Variants in NCOA3 observed in about 807,000 individuals in gnomAD.
NCOA3 encodes nuclear receptor coactivator 3, also known as CBP-interacting protein.
In NCOA3, 51 loss-of-function variants were observed where a neutral mutation model predicts 158.8. The ratio of observed to expected loss-of-function variants is 0.32; its 90% CI spans 0.26 to 0.41. The LOEUF is 0.41. Among genes scored for constraint, NCOA3 ranks in the 10% least tolerant of loss-of-function variants. The probability of loss-of-function intolerance (pLI) is 1.00; values close to 1 mark genes in which losing one functional copy is unlikely to be tolerated. For synonymous variants in NCOA3, 537 were observed against 592.4 expected, an observed-to-expected ratio of 0.91 and a Z score of 1.36; for missense variants, 1,510 against 1,746.6, an observed-to-expected ratio of 0.86 and a Z score of 2.41.
intron 1 of NCOA3, among the ~76,000 whole-genome samples, chr20:47,573,403 A>G (rs2085324691): frequency 6.8e-6 from 1 of 146,296 alleles, no homozygotes; most frequent in African/African-American, 2.7e-5. Flanking sequence ...ATTGTCTCCA[A>G]AAAACAAACA....
intron 1 of NCOA3, among the ~76,000 whole-genome samples, chr20:47,546,825 C>G (rs2146143674): frequency 6.6e-6 from 1 of 152,282 alleles, no homozygotes; most frequent in Middle Eastern, 3.4e-3. Flanking sequence ...GCCACCGCTA[C>G]CGGCCTGCCT....
intron 2 of NCOA3, among the ~76,000 whole-genome samples, chr20:47,617,958 T>C (rs1042822676): frequency 2.6e-5 from 4 of 152,138 alleles, no homozygotes; most frequent in African/African-American, 9.7e-5. Flanking sequence ...AGATAGAGAC[T>C]GGACATGGTG....
chr20:47,653,165 A>G, intron 22 of NCOA3, 93 bp downstream of exon 22: 1 of 1,423,796 alleles, frequency 7.0e-7, no homozygotes, highest in African/African-American at 1.4e-5. Flanking sequence ...TCCTAGGTAT[A>G]TTTTAACTTG....
rs6018521 is a variant in NCOA3, at chr20:47,514,139, T to C, written c.-99+12120T>C. 7.2e-3 allele frequency among the ~76,000 whole-genome samples: 1,102 copies of C among 152,182 alleles called. 22 individuals are homozygous for C. Among genetic ancestry groups the C allele is most frequent in the African/African-American group, 0.025 (1,044 of 41,530 alleles). Reference sequence around the variant, plus strand: ...TCTTAACTGAGACCATTTGCAACTCTCTTTAAGTCAACATTTTCTTTTTTT... The same window carrying C: ...TCTTAACTGAGACCATTTGCAACTCCCTTTAAGTCAACATTTTCTTTTTTT... On this transcript the variant is annotated intron_variant, in intron 1 of 22. Coordinates refer to ENST00000371998, the MANE Select transcript of NCOA3 (RefSeq NM_181659.3).
At chr20:47,639,514 A>AC (rs2086569611) in intron 14 of NCOA3, 63 bp from the exon 15 acceptor site, 1 of 1,582,542 alleles carries the variant, frequency 6.3e-7, no homozygotes, top group African/African-American at 1.4e-5. Context: ...GGCTGTACTT[A>AC]CATGGTATAA....
chr20:47,581,833 G>A (rs891553773), intron 1 of NCOA3, among the ~76,000 whole-genome samples: 1 of 152,038 alleles, frequency 6.6e-6, no homozygotes, highest in African/African-American at 2.4e-5. Context: ...TTTGAAGAAC[G>A]GTCTCTCATT....
chr20:47,548,325 C>T (rs2084866465), intron 1 of NCOA3, among the ~76,000 whole-genome samples: 2 of 151,788 alleles, frequency 1.3e-5, no homozygotes, highest in Non-Finnish European at 2.9e-5. Context: ...GGCAGATCAC[C>T]TGAGGTCAGG....
At chr20:47,621,654 A>ATTTTTTTTTTTTTTTTTTTTT (rs749582388) in intron 2 of NCOA3, among the ~76,000 whole-genome samples, 11 of 119,780 alleles carry the variant, frequency 9.2e-5, no homozygotes, top group African/African-American at 3.1e-4. Context: ...CATCAGTCAA[A>ATTTTTTTTTTTTTTTTTTTTT]TTTTTTTTTT....
chr20:47,517,445 CTTTTTCTTTTTTTT>C (rs2084252389), intron 1 of NCOA3, among the ~76,000 whole-genome samples: 1 of 142,194 alleles, frequency 7.0e-6, no homozygotes, highest in Admixed American at 6.9e-5. Flanking sequence ...TTTCTTTTTT[CTTTTTCTTTTTTTT>C]TTTTTTTTTG....
intron 1 of NCOA3, among the ~76,000 whole-genome samples, chr20:47,546,166 T>G (rs937189508): frequency 2.6e-5 from 4 of 152,232 alleles, no homozygotes; most frequent in African/African-American, 9.6e-5. Flanking sequence ...AGATCTTCAC[T>G]AAAGCCTTTT....
At chr20:47,571,219 G>A (rs2085289222) in intron 1 of NCOA3, among the ~76,000 whole-genome samples, 1 of 151,634 alleles carries the variant, frequency 6.6e-6, no homozygotes, top group South Asian at 2.1e-4. Flanking sequence ...TGGCTAGGCA[G>A]GTCTAGAACT....
chr20:47,518,912 G>A (rs574758545), intron 1 of NCOA3, among the ~76,000 whole-genome samples: 29 of 152,086 alleles, frequency 1.9e-4, no homozygotes, highest in Admixed American at 3.3e-4. Flanking sequence ...GAGGTGGGTG[G>A]ATCACTTGAG....
At chr20:47,570,811 G>T (rs1425364952) in intron 1 of NCOA3, among the ~76,000 whole-genome samples, 1 of 151,466 alleles carries the variant, frequency 6.6e-6, no homozygotes, top group Admixed American at 6.6e-5. Flanking sequence ...AGTTAAAATT[G>T]CTCCATAATC....
intron 1 of NCOA3, among the ~76,000 whole-genome samples, chr20:47,575,268 C>T (rs1331659542): frequency 1.3e-5 from 2 of 151,898 alleles, no homozygotes; most frequent in African/African-American, 4.8e-5. Context: ...AAAATGAGGC[C>T]ATTTTGTAAA....
At chr20:47,542,179 C>G (rs930943819) in intron 1 of NCOA3, among the ~76,000 whole-genome samples, 3 of 151,222 alleles carry the variant, frequency 2.0e-5, no homozygotes, top group Non-Finnish European at 4.4e-5. Flanking sequence ...TAAAGGTGCA[C>G]ACCACCATGC....
At chr20:47,633,782 C>A in intron 9 of NCOA3, 146 bp downstream of exon 9, 2 of 933,568 alleles carry the variant, frequency 2.1e-6, no homozygotes, top group South Asian at 3.4e-5. Context: ...AGGTGCACAC[C>A]ACCATACCTG....
intron 2 of NCOA3, among the ~76,000 whole-genome samples, chr20:47,584,793 A>G (rs1301543451): frequency 6.6e-6 from 1 of 152,210 alleles, no homozygotes; most frequent in Non-Finnish European, 1.5e-5. Flanking sequence ...AAATCTGCGT[A>G]TAACAGAACA....
At chr20:47,583,937 CAG>C (rs958978619) in intron 2 of NCOA3, among the ~76,000 whole-genome samples, 14 of 151,850 alleles carry the variant, frequency 9.2e-5, no homozygotes, top group African/African-American at 3.4e-4. Flanking sequence ...GCCTGGGCAA[CAG>C]AATGAAACCC....
At chr20:47,515,549 T>C (rs1170193413) in intron 1 of NCOA3, among the ~76,000 whole-genome samples, 1 of 150,440 alleles carries the variant, frequency 6.6e-6, no homozygotes, top group Non-Finnish European at 1.5e-5. Flanking sequence ...TACAGTGGCA[T>C]GATCTCGGCT....
Sources: allele counts gnomAD v4.1 joint callset (sites outside exome capture counted in the v4.1 genomes callset), GRCh38; gene constraint gnomAD v4.1.1; transcripts MANE v1.5; gene names NCBI Gene and HGNC (gene_info 2026-07-23, HGNC 2026-07-21).